Variants in EYS observed in about 807,000 individuals in gnomAD.
EYS encodes the protein protein eyes shut homolog.
EYS carries 250 observed loss-of-function variants against 282.1 expected under a neutral mutation model. The observed-to-expected ratio is 0.89, with a 90% CI of 0.80 to 0.98. EYS has a LOEUF of 0.98. Among genes scored for constraint, EYS ranks in the 50% least tolerant of loss-of-function variants. The probability of loss-of-function intolerance (pLI) is 0.00; values close to 1 mark genes in which losing one functional copy is unlikely to be tolerated. For synonymous variants in EYS, 1,355 were observed against 1,282.9 expected, an observed-to-expected ratio of 1.06 and a Z score of -1.20; for missense variants, 4,016 against 3,709.0, an observed-to-expected ratio of 1.08 and a Z score of -2.15.
At chr6:64,283,674 T>C (rs1768392029) in intron 30 of EYS, among the ~76,000 whole-genome samples, 1 of 152,166 alleles carries the variant, frequency 6.6e-6, no homozygotes, top group Non-Finnish European at 1.5e-5. Context: ...TTAGTCCGTT[T>C]TCATGCTGCT....
chr6:64,551,151 T>A lies in EYS; in HGVS notation c.5644+39072A>T, dbSNP rs1316490509. Among the ~76,000 whole-genome samples, 5 of 149,610 alleles carry A rather than the reference T, an allele frequency of 3.3e-5. No homozygotes were observed. In the Admixed American group the frequency reaches 3.4e-4, roughly 10 times the overall value. On this transcript the variant is annotated intron_variant, in intron 26 of 42. Transcript: ENST00000503581. ...ACACACATATATACACATATATGTA[T>A]ATACATATATGTGTATATACATATA...
intron 12 of EYS, among the ~76,000 whole-genome samples, chr6:65,110,000 G>A (rs6906245): frequency 0.23 from 34,607 of 151,918 alleles, 4,482 homozygotes; most frequent in African/African-American, 0.34. Context: ...CATCTGAAGT[G>A]CTCAAGCAAC....
At chr6:63,819,105 AT>A (rs1771256100) in intron 36 of EYS, among the ~76,000 whole-genome samples, 1 of 152,098 alleles carries the variant, frequency 6.6e-6, no homozygotes, top group South Asian at 2.1e-4. Flanking sequence ...TGAAGGCAGG[AT>A]TTTGTCATTT....
intron 35 of EYS, among the ~76,000 whole-genome samples, chr6:63,934,667 C>T (rs1765001862): frequency 6.7e-6 from 1 of 149,034 alleles, no homozygotes; most frequent in Admixed American, 6.8e-5. Flanking sequence ...CCAAACACTG[C>T]ATGTTCTCGC....
At chr6:65,460,960 T>A (rs373705845) in intron 5 of EYS, among the ~76,000 whole-genome samples, 1 of 152,104 alleles carries the variant, frequency 6.6e-6, no homozygotes, top group East Asian at 1.9e-4. Context: ...TACATGAAGG[T>A]CAAATACTGT....
At chr6:64,738,535 A>G (rs1213235610) in intron 22 of EYS, among the ~76,000 whole-genome samples, 3 of 152,216 alleles carry the variant, frequency 2.0e-5, no homozygotes, top group Non-Finnish European at 4.4e-5. Context: ...AGACTAATGC[A>G]GGATAAAATA....
intron 5 of EYS, among the ~76,000 whole-genome samples, chr6:65,460,915 A>G (rs1764806557): frequency 6.6e-6 from 1 of 152,138 alleles, no homozygotes; most frequent in Non-Finnish European, 1.5e-5. Flanking sequence ...ACTTCTAAAT[A>G]AGGAAGTTTA....
At chr6:65,212,436 T>C (rs1766198703) in intron 12 of EYS, among the ~76,000 whole-genome samples, 2 of 152,280 alleles carry the variant, frequency 1.3e-5, no homozygotes, top group African/African-American at 4.8e-5. Context: ...TAAAGAAAGC[T>C]TGATACTTTT....
intron 5 of EYS, among the ~76,000 whole-genome samples, chr6:65,452,050 C>G (rs1440637795): frequency 4.6e-5 from 7 of 151,494 alleles, no homozygotes; most frequent in South Asian, 2.1e-4. Context: ...TTAAATGCAA[C>G]TATTAGTAGA....
At chr6:64,185,095 T>C (rs1021869328) in intron 31 of EYS, among the ~76,000 whole-genome samples, 2 of 152,080 alleles carry the variant, frequency 1.3e-5, no homozygotes, top group Admixed American at 6.6e-5. Flanking sequence ...CATACATAAG[T>C]CAGATAGTAG....
intron 35 of EYS, among the ~76,000 whole-genome samples, chr6:63,875,912 C>G (rs1217661327): frequency 6.6e-6 from 1 of 152,042 alleles, no homozygotes; most frequent in Non-Finnish European, 1.5e-5. Context: ...TTGATCTTTT[C>G]AAAAAACCAG....
chr6:64,116,873 G>T (rs972327342), intron 31 of EYS, among the ~76,000 whole-genome samples: 10 of 152,020 alleles, frequency 6.6e-5, no homozygotes, highest in African/African-American at 2.2e-4. Flanking sequence ...AAGAAGATAT[G>T]CCAGTTGTAA....
intron 12 of EYS, among the ~76,000 whole-genome samples, chr6:65,172,205 G>A (rs78476442): frequency 0.032 from 4,909 of 151,366 alleles, 117 homozygotes; most frequent in African/African-American, 0.067. Context: ...AATAATCATA[G>A]GATAAATCAG....
chr6:63,887,536 A>G (rs1562079804), intron 35 of EYS, among the ~76,000 whole-genome samples: 1 of 152,130 alleles, frequency 6.6e-6, no homozygotes, highest in Admixed American at 6.6e-5. Flanking sequence ...GTGTCCCCTC[A>G]TCCAGGAAGC....
At chr6:64,921,233 T>C (rs1562259766) in intron 15 of EYS, among the ~76,000 whole-genome samples, 1 of 152,136 alleles carries the variant, frequency 6.6e-6, no homozygotes, top group Non-Finnish European at 1.5e-5. Flanking sequence ...AGTTAGCCGA[T>C]GTAAAAATAT....
At chr6:64,745,626 T>C (rs1334793477) in intron 22 of EYS, among the ~76,000 whole-genome samples, 2 of 152,072 alleles carry the variant, frequency 1.3e-5, no homozygotes, top group South Asian at 2.1e-4. Flanking sequence ...CCACTATGTA[T>C]AAAAATAAGC....
At chr6:65,627,933 C>G (rs575274927) in intron 2 of EYS, among the ~76,000 whole-genome samples, 1 of 152,254 alleles carries the variant, frequency 6.6e-6, no homozygotes, top group Non-Finnish European at 1.5e-5. Flanking sequence ...TGCGAGCGCA[C>G]GGCGCAGGAC....
chr6:63,993,563 C>T (rs1376528722), intron 34 of EYS, among the ~76,000 whole-genome samples: 1 of 151,532 alleles, frequency 6.6e-6, no homozygotes, highest in Non-Finnish European at 1.5e-5. Context: ...ACAATTTTAT[C>T]TATAATACAT....
At chr6:64,319,841 G>A (rs1770141384) in intron 29 of EYS, among the ~76,000 whole-genome samples, 1 of 151,866 alleles carries the variant, frequency 6.6e-6, no homozygotes, top group Non-Finnish European at 1.5e-5. Flanking sequence ...CTGCTGTTGT[G>A]ATGTATTCTT....
Sources: allele counts gnomAD v4.1 joint callset (sites outside exome capture counted in the v4.1 genomes callset), GRCh38; gene constraint gnomAD v4.1.1; transcripts MANE v1.5; gene names NCBI Gene and HGNC (gene_info 2026-07-23, HGNC 2026-07-21).